The following PREX1 variants were observed in gnomAD, a reference collection of about 807,000 sequenced individuals.
PREX1 encodes the protein phosphatidylinositol 3,4,5-trisphosphate-dependent Rac exchanger 1 protein.
Under a neutral mutation model 198.3 loss-of-function variants are expected in PREX1, and 41 were observed. The ratio of observed to expected loss-of-function variants is 0.21; its 90% CI spans 0.16 to 0.27. The LOEUF (loss-of-function observed/expected upper bound fraction) is 0.27, where lower values mean the gene tolerates loss of function less well. Among genes scored for constraint, PREX1 ranks in the 10% least tolerant of loss-of-function variants. The pLI is 1.00. For synonymous variants in PREX1, 843 were observed against 887.2 expected (o/e 0.95, Z 0.89); for missense variants, 1,620 against 2,200.7 (o/e 0.74, Z 5.28).
Position 48,655,330 on chromosome 20 carries a change from A to C in PREX1, c.2169T>G (p.Ile723Met), listed in dbSNP as rs144910943. 8 of 1,600,616 alleles carry C rather than the reference A, an allele frequency of 5.0e-6. No individual in the cohort carries two copies. The African/African-American group carries it at 1.1e-4, about 22-fold the overall frequency. ...PDQPDTLCFQ[I>M]RGAAPPYVYA... ...AGACGTACGGTGGGGCAGCTCCACG[A>C]ATCTGGAAGCACAGTGTGTCCGGCT... The change falls in exon 19 of 40, where the codon ATT becomes ATG. Residue 723 changes from isoleucine (I) to methionine (M), a missense_variant. Around this residue, in one of 7 missense-constraint regions of PREX1, gnomAD observed 514 missense variants for 611.6 expected, o/e 0.84. Coordinates refer to ENST00000371941, the MANE Select transcript of PREX1 (RefSeq NM_020820.4).
intron 12 of PREX1, 32 bp downstream of exon 12, chr20:48,679,619 G>A (rs929648622): frequency 3.2e-6 from 5 of 1,556,386 alleles, no homozygotes; most frequent in African/African-American, 1.4e-5. Flanking sequence ...GAGGCCAGCT[G>A]AGTCAGAGTC....
At position 48,827,680 on chromosome 20, in the gene PREX1, C is replaced by T; in HGVS notation, c.181G>A (p.Glu61Lys). Residue 61 changes from glutamate to lysine, a missense_variant, in exon 1 of 40, where the codon GAG (glutamate) becomes AAG (lysine). Physicochemically the swap from Glu to Lys is moderately conservative, Grantham distance 56 (BLOSUM62 1). Coordinates refer to ENST00000371941, the MANE Select transcript of PREX1 (RefSeq NM_020820.4). This position sits in a 1 kb window ranked among gnomAD's most constrained non-coding sequence, Gnocchi z 4.1. Reference protein sequence around the residue: ...LCVLNEILGTERDYVGTLRFL... With the variant: ...LCVLNEILGTKRDYVGTLRFL... The stretch of plus-strand genomic sequence containing the variant: ...CGCAAGGTGCCCACGTAGTCCCTCT[C>T]GGTGCCCAAGATCTCGTTGAGGACG... 7.3e-7 allele frequency: 1 copy of T among 1,370,628 alleles called. No individual in the cohort carries two copies. Among genetic ancestry groups the T allele is most frequent in the South Asian group, 1.8e-5 (1 of 55,330 alleles). The allele number at this position is 1,370,628 out of a possible 1,614,324, so 84.9% of individuals were successfully genotyped here.
At position 48,776,503 on chromosome 20, in the gene PREX1, G is replaced by C. The variant is rs546132004; in HGVS notation, c.220-28623C>G. Among the ~76,000 whole-genome samples the C allele has an allele frequency of 3.9e-5, 6 of 152,330 alleles. No homozygotes were observed. In the South Asian group the frequency reaches 1.2e-3, roughly 32 times the overall value. On this transcript the variant is annotated intron_variant, in intron 1 of 39. Transcript: ENST00000371941. ...CCTGGAAGCCAGGCATCACTTCAGA[G>C]GGGGAGTCCACGGGGCGGGGCTGGG...
chr20:48,628,664 T>A (rs753641317), intron 37 of PREX1, among the ~76,000 whole-genome samples: 5 of 152,130 alleles, frequency 3.3e-5, no homozygotes, highest in Non-Finnish European at 7.4e-5. Context: ...TCCCCGGGGA[T>A]AAAACTGCCC....
rs769357783 is a variant in PREX1, at chr20:48,691,584, G to A, written c.1037-488C>T. On this transcript the variant is annotated intron_variant, in intron 8 of 39. Transcript: ENST00000371941. The surrounding 1 kb of genome is among the most constrained non-coding windows in gnomAD (Gnocchi z 5.0). ...CCTGAATCTGAGGAGGGCTCCACGG[G>A]CTTCATGAGACTGCCAAAGGGGACT... Among the ~76,000 whole-genome samples the A allele has an allele frequency of 4.6e-5, 7 of 152,186 alleles. No homozygotes were observed. The highest frequency in any genetic ancestry group is 1.0e-4 in the Non-Finnish European group (7 of 68,030).
In PREX1 at chr20:48,708,252, G is replaced by A. The variant is rs570181350; in HGVS notation, c.783+8C>T. Reference sequence around the variant, plus strand: ...GGCCCAGGAAGCCCCCTCCTGTCCTGTACACACCTCCCAGCCTTCGATGTG... The same window carrying A: ...GGCCCAGGAAGCCCCCTCCTGTCCTATACACACCTCCCAGCCTTCGATGTG... On this transcript the variant is annotated splice_region_variant and intron_variant, in intron 6 of 39. Transcript: ENST00000371941. The A allele has an allele frequency of 6.2e-7, 1 of 1,613,590 alleles. No homozygotes were observed. Among genetic ancestry groups the A allele is most frequent in the Admixed American group, 1.7e-5 (1 of 60,010 alleles).
chr20:48,649,589 AAG>A lies in PREX1; in HGVS notation c.3029-15_3029-14del. 2 of 1,567,616 alleles carry A rather than the reference AAG, an allele frequency of 1.3e-6. No individual in the cohort carries two copies. Among genetic ancestry groups the A allele is most frequent in the East Asian group, 2.4e-5 (1 of 42,352 alleles). On this transcript the variant is annotated splice_polypyrimidine_tract_variant and intron_variant, in intron 24 of 39. Transcript: ENST00000371941. ...GGGTTCAGGTGGCCTGCAGTGGAGGAAGAGAGAGCTCACTGGAAAACAGCCCC... is the reference window on the plus strand; with the variant it reads ...GGGTTCAGGTGGCCTGCAGTGGAGGAAGAGAGCTCACTGGAAAACAGCCCC...
the PREX1 span, among the ~76,000 whole-genome samples, chr20:48,869,543 G>T: frequency 2.6e-5 from 4 of 152,072 alleles, no homozygotes; most frequent in Non-Finnish European, 5.9e-5. Context: ...TGCTGCATAG[G>T]TATTGATAGT....
chr20:48,648,881 C>CG (rs1460706386), intron 25 of PREX1, among the ~76,000 whole-genome samples: 1 of 152,170 alleles, frequency 6.6e-6, no homozygotes, highest in Admixed American at 6.5e-5. Context: ...GCCTCGTGGG[C>CG]GGGGCTGCGT....
At chr20:48,781,583 C>A (rs907236915) in intron 1 of PREX1, among the ~76,000 whole-genome samples, 1 of 152,134 alleles carries the variant, frequency 6.6e-6, no homozygotes, top group Non-Finnish European at 1.5e-5. Context: ...AGAAGAGTCC[C>A]CAAGTCAGAC....
At chr20:48,702,440 T>C (rs148682548) in intron 6 of PREX1, among the ~76,000 whole-genome samples, 24 of 152,320 alleles carry the variant, frequency 1.6e-4, no homozygotes, top group Admixed American at 8.5e-4. Context: ...TTCTGTGATT[T>C]TGGGGAATGG....
chr20:48,841,127 C>T, the PREX1 span, among the ~76,000 whole-genome samples: 2 of 152,110 alleles, frequency 1.3e-5, no homozygotes, highest in African/African-American at 4.8e-5. Context: ...CACTATGTTG[C>T]CCAGGCTGGT....
chr20:48,719,085 C>T (rs1193189301), intron 5 of PREX1, among the ~76,000 whole-genome samples: 2 of 152,212 alleles, frequency 1.3e-5, no homozygotes, highest in Non-Finnish European at 2.9e-5. Context: ...CTACCATGCC[C>T]ATTTTACAGA....
At chr20:48,773,266 CAAA>C (rs55740822) in intron 1 of PREX1, among the ~76,000 whole-genome samples, 3 of 65,874 alleles carry the variant, frequency 4.6e-5, no homozygotes, top group Admixed American at 1.8e-4. Context: ...GACTTGGTCT[CAAA>C]AAAAAAAAAA....
intron 1 of PREX1, among the ~76,000 whole-genome samples, chr20:48,771,271 C>T (rs763169676): frequency 6.6e-6 from 1 of 150,592 alleles, no homozygotes; most frequent in African/African-American, 2.4e-5. Flanking sequence ...AGGTTGTTGC[C>T]GATTTTGAGC....
At chr20:48,766,038 T>C (rs1030173324) in intron 1 of PREX1, among the ~76,000 whole-genome samples, 2 of 152,182 alleles carry the variant, frequency 1.3e-5, no homozygotes, top group Non-Finnish European at 2.9e-5. Context: ...TAATGCCTGA[T>C]GATCTGTCAC....
intron 1 of PREX1, among the ~76,000 whole-genome samples, chr20:48,772,082 T>C (rs1344594254): frequency 6.6e-6 from 1 of 152,030 alleles, no homozygotes; most frequent in Non-Finnish European, 1.5e-5. Flanking sequence ...TAGTCCCAGC[T>C]ACTCAGGAAG....
At chr20:48,792,116 A>C (rs1032965053) in intron 1 of PREX1, among the ~76,000 whole-genome samples, 1 of 152,128 alleles carries the variant, frequency 6.6e-6, no homozygotes, top group African/African-American at 2.4e-5. Context: ...GCACTCAATA[A>C]ATGTTAAATA....
At chr20:48,788,829 T>A (rs1444977332) in intron 1 of PREX1, among the ~76,000 whole-genome samples, 1 of 152,128 alleles carries the variant, frequency 6.6e-6, no homozygotes, top group Non-Finnish European at 1.5e-5. Flanking sequence ...TGGGGTATCA[T>A]GGGAGTGGAA....
Sources: allele counts gnomAD v4.1 joint callset (sites outside exome capture counted in the v4.1 genomes callset), GRCh38; gene constraint gnomAD v4.1.1; regional missense constraint gnomAD v4.1.1; non-coding constraint Gnocchi (gnomAD v3.1); transcripts MANE v1.5; gene names NCBI Gene and HGNC (gene_info 2026-07-23, HGNC 2026-07-21).